Variants in IGSF11 observed in about 807,000 individuals in gnomAD.
IGSF11 encodes immunoglobulin superfamily member 11, also known as CXADR like 1.
IGSF11 carries 22 observed loss-of-function variants against 41.0 expected under a neutral mutation model. That is an observed-to-expected ratio of 0.54 (90% CI 0.38 to 0.77). IGSF11 has a LOEUF of 0.77. Ranked by LOEUF, IGSF11 falls within the 30% of genes least tolerant of loss-of-function variation. IGSF11 has a pLI of 0.00. For synonymous variants in IGSF11, 219 were observed against 201.3 expected (o/e 1.09, Z -0.74); for missense variants, 444 against 530.8 (o/e 0.84, Z 1.61).
chr3:118,917,644 C>A (rs1309050310), intron 4 of IGSF11, among the ~76,000 whole-genome samples: 6 of 112,946 alleles, frequency 5.3e-5, no homozygotes. Flanking sequence ...GAGTCCAGGA[C>A]CAGATGGATT....
chr3:118,929,744 C>A (rs1244550159), intron 2 of IGSF11, among the ~76,000 whole-genome samples: 1 of 152,106 alleles, frequency 6.6e-6, no homozygotes, highest in South Asian at 2.1e-4. Context: ...TAAAAAAAAT[C>A]AAGTACTACA....
chr3:119,031,522 C>G (rs1340966223), intron 1 of IGSF11, among the ~76,000 whole-genome samples: 2 of 152,236 alleles, frequency 1.3e-5, no homozygotes, highest in Admixed American at 1.3e-4. Flanking sequence ...ATTTCAAAAT[C>G]TGCCACATAC....
intron 1 of IGSF11, among the ~76,000 whole-genome samples, chr3:119,044,704 T>G (rs1941251104): frequency 6.6e-6 from 1 of 152,194 alleles, no homozygotes; most frequent in Non-Finnish European, 1.5e-5. Context: ...GCTATCAGAC[T>G]AACACCAGAT....
At position 118,905,638 on chromosome 3, in the gene IGSF11, T is replaced by C. The variant is rs764965446; in HGVS notation, c.661A>G (p.Ile221Val). Residue 221 changes from isoleucine to valine, a missense_variant, in exon 5 of 7, where the codon ATT becomes GTT. This residue lies in a region of IGSF11 where 193 missense variants were observed against 283.5 expected (regional missense o/e 0.68). Coordinates refer to ENST00000393775, the MANE Select transcript of IGSF11 (RefSeq NM_001015887.3). ...TCCAGAAGACAGGTGCTGGTTCCAA[T>C]AGCATTAGAAGCCACGCACTGGTAC... ...GLYQCVASNAIGTSTCLLDLQ... is the reference protein window; with the variant it reads ...GLYQCVASNAVGTSTCLLDLQ... 7 of 1,613,864 alleles carry C rather than the reference T, an allele frequency of 4.3e-6. No homozygotes were observed. The highest frequency in any genetic ancestry group is 3.3e-5 in the Admixed American group (2 of 60,006).
chr3:118,970,750 C>CA (rs56812884), intron 1 of IGSF11, among the ~76,000 whole-genome samples: 10,908 of 102,086 alleles, frequency 0.11, 438 homozygotes, highest in East Asian at 0.18. Context: ...CACAGTTTTA[C>CA]AAAAAAAAAA....
intron 1 of IGSF11, among the ~76,000 whole-genome samples, chr3:118,984,316 T>C (rs1474483769): frequency 6.6e-6 from 1 of 152,194 alleles, no homozygotes; most frequent in African/African-American, 2.4e-5. Context: ...TGTATCATGA[T>C]ATCTCCATGT....
At chr3:118,943,757 G>A (rs1943895323) in intron 1 of IGSF11, among the ~76,000 whole-genome samples, 1 of 152,174 alleles carries the variant, frequency 6.6e-6, no homozygotes, top group Non-Finnish European at 1.5e-5. Context: ...TTTATATTGG[G>A]AAATGCTATC....
At chr3:118,941,558 AT>A (rs1301002256) in intron 1 of IGSF11, among the ~76,000 whole-genome samples, 1 of 152,206 alleles carries the variant, frequency 6.6e-6, no homozygotes, top group African/African-American at 2.4e-5. Flanking sequence ...ACATTTTCAT[AT>A]TTTATTACAG....
intron 1 of IGSF11, among the ~76,000 whole-genome samples, chr3:119,083,988 G>A (rs1378310799): frequency 6.6e-6 from 1 of 152,152 alleles, no homozygotes; most frequent in Non-Finnish European, 1.5e-5. Context: ...ACCTTCCAGT[G>A]AGACAAAATA....
rs150210796 is a variant in IGSF11 at position 119,067,245 on chromosome 3, G to T, written c.49+37899C>A. ...CTGATTACCTCAATCCAATTACGGA[G>T]CTGGGTTGGAGCTGAGTTTCAGTGT... On this transcript the variant is annotated intron_variant, in intron 1 of 6. Transcript: ENST00000354673. 8.5e-5 allele frequency among the ~76,000 whole-genome samples: 13 copies of T among 152,290 alleles called. No homozygotes were observed. In the East Asian group the frequency reaches 2.5e-3, roughly 29 times the overall value.
At chr3:119,073,215 G>A (rs1430131132) in intron 1 of IGSF11, among the ~76,000 whole-genome samples, 1 of 152,174 alleles carries the variant, frequency 6.6e-6, no homozygotes, top group Non-Finnish European at 1.5e-5. Flanking sequence ...ACAGAGTGCT[G>A]ATTGGTGCAT....
chr3:119,088,834 G>T (rs1319612265), intron 1 of IGSF11, among the ~76,000 whole-genome samples: 2 of 152,072 alleles, frequency 1.3e-5, no homozygotes, highest in Admixed American at 1.3e-4. Context: ...ACACAAATTA[G>T]AAAATTTAGA....
chr3:118,966,282 G>A (rs59323533), intron 1 of IGSF11, among the ~76,000 whole-genome samples: 26 of 152,166 alleles, frequency 1.7e-4, no homozygotes, highest in African/African-American at 6.0e-4. Context: ...AATAAAATAG[G>A]CATTATCTCC....
At chr3:119,123,617 C>G (rs4299470) in intron 1 of IGSF11, among the ~76,000 whole-genome samples, 142,905 of 152,202 alleles carry the variant, frequency 0.94, 67,161 homozygotes, top group East Asian at 1. Flanking sequence ...GGCCACAGGG[C>G]TGCTTCTGTC....
chr3:119,034,259 G>A (rs1181652758), intron 1 of IGSF11, among the ~76,000 whole-genome samples: 2 of 152,222 alleles, frequency 1.3e-5, no homozygotes, highest in Non-Finnish European at 2.9e-5. Context: ...AGAGCGCAGC[G>A]AGGTGAGAGT....
intron 1 of IGSF11, among the ~76,000 whole-genome samples, chr3:119,074,116 A>T (rs1242338061): frequency 6.6e-6 from 1 of 152,232 alleles, no homozygotes; most frequent in African/African-American, 2.4e-5. Context: ...ATCAAGGTAG[A>T]AAGCTAACAA....
intron 1 of IGSF11, among the ~76,000 whole-genome samples, chr3:119,054,289 C>A (rs1941735999): frequency 3.9e-5 from 6 of 151,932 alleles, no homozygotes; most frequent in Admixed American, 3.9e-4. Flanking sequence ...ATGTATCCAA[C>A]AAAGAACTAA....
intron 1 of IGSF11, among the ~76,000 whole-genome samples, chr3:119,120,901 G>A (rs556793751): frequency 1.3e-5 from 2 of 152,250 alleles, no homozygotes; most frequent in South Asian, 4.1e-4. Flanking sequence ...GTTTGGGGTT[G>A]CTTTTTAATA....
intron 1 of IGSF11, among the ~76,000 whole-genome samples, chr3:119,119,701 T>C (rs755804809): frequency 5.9e-5 from 9 of 151,914 alleles, no homozygotes; most frequent in Admixed American, 5.2e-4. Context: ...CCCAGAAAAA[T>C]TTCAATTCTC....
Sources: gnomAD v4.1 joint callset for allele counts (sites outside exome capture counted in the v4.1 genomes callset) on GRCh38, gnomAD v4.1.1 for gene constraint, gnomAD v4.1.1 regional missense constraint, MANE v1.5 for transcripts, NCBI Gene and HGNC (gene_info 2026-07-23, HGNC 2026-07-21) for gene names.